The following NEB variants were observed in gnomAD, a reference collection of about 807,000 sequenced individuals.
NEB encodes the protein nemaline myopathy type 2.
NEB carries 512 observed loss-of-function variants against 952.2 expected under a neutral mutation model. The ratio of observed to expected loss-of-function variants is 0.54; its 90% CI spans 0.50 to 0.58. The LOEUF (loss-of-function observed/expected upper bound fraction) is 0.58. Ranked by LOEUF, NEB falls within the 20% of genes least tolerant of loss-of-function variation. The pLI is 0.00. For synonymous variants in NEB, 2,900 were observed against 3,149.8 expected (o/e 0.92, Z 2.66); for missense variants, 8,428 against 9,231.1 (o/e 0.91, Z 3.56).
rs1278264838 is a variant in NEB, at chr2:151,562,132, T to C, written c.18974A>G (p.Lys6325Arg). 3.7e-6 allele frequency: 6 copies of C among 1,613,438 alleles called. No individual in the cohort carries two copies. The highest frequency in any genetic ancestry group is 5.1e-6 in the Non-Finnish European group (6 of 1,179,586). ...CACCTGACTCTGAAGGTCGTATGAT[T>C]TCTTGGCATGGAGGATTTGGGGTGT... ...WDTPQILHAK[K>R]SYDLQSQLQY... The change falls in exon 121 of 182, where the codon AAA (lysine) becomes AGA (arginine). Residue 6325 changes from lysine (K) to arginine (R), a missense_variant. Physicochemically the swap from Lys to Arg is conservative, Grantham distance 26. Around this residue, in one of 11 missense-constraint regions of NEB, gnomAD observed 3,374 missense variants for 3,651.5 expected, o/e 0.92. Coordinates refer to ENST00000397345, the MANE Select transcript of NEB (RefSeq NM_001164508.2).
intron 63 of NEB, among the ~76,000 whole-genome samples, chr2:151,638,881 T>C (rs529322446): frequency 2.6e-5 from 4 of 152,150 alleles, no homozygotes; most frequent in African/African-American, 9.6e-5. Context: ...TTGCCTTTAA[T>C]CTTATATACT....
intron 167 of NEB, among the ~76,000 whole-genome samples, chr2:151,501,807 A>G (rs1231885114): frequency 6.6e-6 from 1 of 152,146 alleles, no homozygotes; most frequent in Non-Finnish European, 1.5e-5. Context: ...GTTGTTGGTA[A>G]CATTAAATTA....
rs369385033 is a variant in NEB, at chr2:151,627,702, A to T, written c.9964T>A (p.Phe3322Ile). 13 of 1,613,756 alleles carry T rather than the reference A, an allele frequency of 8.1e-6. No individual in the cohort carries two copies. The highest frequency in any genetic ancestry group is 1.0e-5 in the Non-Finnish European group (12 of 1,179,888). ...IQSDREYKKDFEKWKTKFSSP... is the reference protein window; with the variant it reads ...IQSDREYKKDIEKWKTKFSSP... ...CTGAACTTGGTCTTCCACTTCTCAAAGTCCTTCTTATACTCCCTGTCACTC... is the reference window on the plus strand; with the variant it reads ...CTGAACTTGGTCTTCCACTTCTCAATGTCCTTCTTATACTCCCTGTCACTC... The change falls in exon 69 of 182, where the codon TTT becomes ATT. Residue 3322 changes from phenylalanine to isoleucine, a missense_variant. Physicochemically the swap from Phe to Ile is conservative, Grantham distance 21 (BLOSUM62 0). Around this residue, in one of 11 missense-constraint regions of NEB, gnomAD observed 1,772 missense variants for 1,960.3 expected, o/e 0.90. Coordinates refer to ENST00000397345, the MANE Select transcript of NEB (RefSeq NM_001164508.2).
At chr2:151,555,616 C>A (rs912630894) in intron 124 of NEB, among the ~76,000 whole-genome samples, 1 of 152,020 alleles carries the variant, frequency 6.6e-6, no homozygotes, top group Non-Finnish European at 1.5e-5. Flanking sequence ...ATTATATAAA[C>A]CAGGTTAAGA....
chr2:151,496,922 T>G lies in NEB; in HGVS notation c.24393+19A>C. The G allele has an allele frequency of 1.3e-6, 2 of 1,542,592 alleles. No homozygotes were observed. The highest frequency in any genetic ancestry group is 1.8e-6 in the Non-Finnish European group (2 of 1,136,296). On this transcript the variant is annotated intron_variant, in intron 172 of 181. Transcript: ENST00000397345. ...TTTTAAAATCAGTAAGTAGTTTTTTTCTTTTCTTGCCCAAGTACCGAGCTA... is the reference window on the plus strand; with the variant it reads ...TTTTAAAATCAGTAAGTAGTTTTTTGCTTTTCTTGCCCAAGTACCGAGCTA...
Position 151,627,215 on chromosome 2 carries a change from T to C in NEB, c.10144-10A>G. On this transcript the variant is annotated splice_polypyrimidine_tract_variant and intron_variant, in intron 69 of 181. Transcript: ENST00000397345. The stretch of plus-strand genomic sequence containing the variant: ...CAGATTTGTAAATGTTCTGGAGAGA[T>C]TAAACACAAAAGCGAGTATTACTGA... The C allele has an allele frequency of 6.2e-7, 1 of 1,608,242 alleles. No homozygotes were observed. The highest frequency in any genetic ancestry group is 8.5e-7 in the Non-Finnish European group (1 of 1,175,766).
chr2:151,681,149 T>C (rs2099411519), intron 29 of NEB, among the ~76,000 whole-genome samples: 1 of 152,150 alleles, frequency 6.6e-6, no homozygotes, highest in Admixed American at 6.5e-5. Context: ...ATCACAGAGT[T>C]TTCTAAAGGT....
At position 151,669,066 on chromosome 2, in the gene NEB, C is replaced by T. The variant is rs766856587; in HGVS notation, c.4572G>A (p.Gln1524=). 1 of 1,597,760 alleles carries T rather than the reference C, an allele frequency of 6.3e-7. No individual in the cohort carries two copies. The highest frequency in any genetic ancestry group is 1.1e-5 in the South Asian group (1 of 88,006). Reference sequence around the variant, plus strand: ...GGGCGTTGACTTTGGCTTGAATAAACTGAGGCAATTCAGGGTCAATAGTAT... The same window carrying T: ...GGGCGTTGACTTTGGCTTGAATAAATTGAGGCAATTCAGGGTCAATAGTAT... ...HKYTIDPELP[Q]FIQAKVNALN... Residue 1524 remains glutamine (Q), a synonymous_variant, in exon 39 of 182, where the codon CAG becomes CAA. Transcript: ENST00000397345.
Position 151,545,855 on chromosome 2 carries a change from G to T in NEB, c.20577+33C>A, listed in dbSNP as rs1192264302. ...TAATTCAGTTTGTACTGGTCAATTT[G>T]ATTGACTTCAATGACAAGTAAAGCG... On this transcript the variant is annotated intron_variant, in intron 135 of 181. Coordinates refer to ENST00000397345, the MANE Select transcript of NEB (RefSeq NM_001164508.2). 10 of 1,342,114 alleles carry T rather than the reference G, an allele frequency of 7.5e-6. No individual in the cohort carries two copies. In the South Asian group the frequency reaches 1.1e-4, roughly 15 times the overall value. The allele number at this position is 1,342,114 out of a possible 1,614,324, so 83.1% of individuals were successfully genotyped here. A position where few individuals can be genotyped will look rare whatever the true frequency, so the allele number is the denominator to read the frequency against.
chr2:151,553,891 C>T lies in NEB; in HGVS notation c.19563G>A (p.Trp6521Ter). ...EIDYRLRLHEWICHPDLQVND... is the reference protein window; with the variant it reads ...EIDYRLRLHE ...TGACTTGCAAGTCGGGGTGGCAAAT[C>T]CATTCGTGGAGGCGCAGGCGGTAAT... is the stretch of plus-strand genomic sequence containing the variant. Residue 6521 changes from tryptophan to a stop codon, truncating the protein, a stop_gained, in exon 126 of 182, where the codon TGG becomes TGA. Transcript: ENST00000397345. LOFTEE classifies it high-confidence loss of function. 1 of 1,613,824 alleles carries T rather than the reference C, an allele frequency of 6.2e-7. No individual in the cohort carries two copies. The highest frequency in any genetic ancestry group is 1.1e-5 in the South Asian group (1 of 91,072).
At position 151,677,748 on chromosome 2, in the gene NEB, G is replaced by A; in HGVS notation, c.3591C>T (p.Asn1197=). ...QSDNVYKEDY[N]NWMKGIGWIP... The stretch of plus-strand genomic sequence containing the variant: ...TCCAGCCAATGCCTTTCATCCAGTT[G>A]TTGTAGTCTTCCTTGTAGACGTTCT... The change falls in exon 34 of 182, where the codon AAC becomes AAT. Residue 1197 remains asparagine (N), a synonymous_variant. Coordinates refer to ENST00000397345, the MANE Select transcript of NEB (RefSeq NM_001164508.2). 3.1e-6 allele frequency: 5 copies of A among 1,613,982 alleles called. No homozygotes were observed. Among genetic ancestry groups the A allele is most frequent in the Non-Finnish European group, 3.4e-6 (4 of 1,179,886 alleles).
intron 12 of NEB, among the ~76,000 whole-genome samples, chr2:151,708,412 T>C (rs1379207445): frequency 1.3e-5 from 2 of 152,150 alleles, no homozygotes; most frequent in Admixed American, 6.5e-5. Flanking sequence ...CATTGGTAAA[T>C]CCATTTCAGA....
rs559846137 is a variant in NEB, at chr2:151,644,016, G to C, written c.7758C>G (p.Asp2586Glu). Residue 2586 changes from aspartate to glutamate, a missense_variant, in exon 57 of 182, where the codon GAC becomes GAG. Around this residue, in one of 11 missense-constraint regions of NEB, gnomAD observed 1,772 missense variants for 1,960.3 expected, o/e 0.90. Transcript: ENST00000397345. Reference protein sequence around the residue: ...WSMHVAKIQSDREYKKDFEKW... With the variant: ...WSMHVAKIQSEREYKKDFEKW... ...TCTCAAAGTCCTTCTTGTACTCCCT[G>C]TCACTCTGGATCTTGGCCACATGCA... 1 of 1,613,942 alleles carries C rather than the reference G, an allele frequency of 6.2e-7. No individual in the cohort carries two copies. Among genetic ancestry groups the C allele is most frequent in the East Asian group, 2.2e-5 (1 of 44,872 alleles).
At chr2:151,712,349 G>A (rs2099747627) in intron 10 of NEB, among the ~76,000 whole-genome samples, 1 of 152,194 alleles carries the variant, frequency 6.6e-6, no homozygotes, top group Non-Finnish European at 1.5e-5. Context: ...CATTGCATAT[G>A]TAGATTTGTT....
chr2:151,549,700 T>C lies in NEB; in HGVS notation c.19985A>G (p.Tyr6662Cys). ...GTGAGGAGTGTCACCTGGAAGTCTATATCCAGTGGGCAGGGTGCGCAGGCT... is the reference window on the plus strand; with the variant it reads ...GTGAGGAGTGTCACCTGGAAGTCTACATCCAGTGGGCAGGGTGCGCAGGCT... ...KTSLRTLPTG[Y>C]RLPGDTPHFK... Residue 6662 changes from tyrosine (Y) to cysteine (C), a missense_variant, in exon 130 of 182, where the codon TAT becomes TGT. By Grantham distance (194) the Tyr-to-Cys change is radical (BLOSUM62 -2). This residue lies in a region of NEB where 3,374 missense variants were observed against 3,651.5 expected (regional missense o/e 0.92). Transcript: ENST00000397345. 6.3e-7 allele frequency: 1 copy of C among 1,599,764 alleles called. No homozygotes were observed. The highest frequency in any genetic ancestry group is 8.5e-7 in the Non-Finnish European group (1 of 1,172,684).
chr2:151,550,103 T>A (rs10174130), intron 129 of NEB, among the ~76,000 whole-genome samples: 1 of 151,404 alleles, frequency 6.6e-6, no homozygotes, highest in East Asian at 1.9e-4. Flanking sequence ...CCCACCTCTA[T>A]AAAAAATTTT....
chr2:151,527,290 A>T (rs1397043694), intron 147 of NEB, among the ~76,000 whole-genome samples, 191 bp downstream of exon 147: 7 of 152,172 alleles, frequency 4.6e-5, no homozygotes, highest in Admixed American at 3.9e-4. Flanking sequence ...GCCCAGCCAA[A>T]GGAGAATAGG....
At chr2:151,512,333 TTC>T (rs1341601986) in intron 161 of NEB, among the ~76,000 whole-genome samples, 3 of 149,548 alleles carry the variant, frequency 2.0e-5, no homozygotes, top group Admixed American at 2.0e-4. Context: ...CATGCCGGGC[TTC>T]TCTCTTTTTT....
chr2:151,624,843 A>C (rs1342550728), intron 71 of NEB, among the ~76,000 whole-genome samples: 1 of 152,200 alleles, frequency 6.6e-6, no homozygotes, highest in Non-Finnish European at 1.5e-5. Context: ...TTTATGCAGC[A>C]GTATTTCTGG....
Sources: allele counts gnomAD v4.1 joint callset (sites outside exome capture counted in the v4.1 genomes callset), GRCh38; gene constraint gnomAD v4.1.1; regional missense constraint gnomAD v4.1.1; transcripts MANE v1.5; gene names NCBI Gene and HGNC (gene_info 2026-07-23, HGNC 2026-07-21).